Variants in GINM1 observed in about 807,000 individuals in gnomAD.
The protein encoded by GINM1 is glycoprotein integral membrane protein 1.
GINM1 carries 29 observed loss-of-function variants against 37.8 expected under a neutral mutation model. The ratio of observed to expected loss-of-function variants is 0.77; its 90% CI spans 0.57 to 1.05. The LOEUF is 1.05. Ranked by LOEUF, GINM1 falls within the 50% of genes least tolerant of loss-of-function variation. GINM1 has a pLI of 0.00. For synonymous variants in GINM1, 143 were observed against 146.2 expected (o/e 0.98, Z 0.16); for missense variants, 377 against 397.9 (o/e 0.95, Z 0.45).
In GINM1 at chr6:149,566,567, C is replaced by A. The variant is rs1279255585; in HGVS notation, c.120+33C>A. Reference sequence around the variant, plus strand: ...AGGGCGGGCCTGGCTGGCCGCTTTACGACTCCGACTCTCCGGGAGGCCCGG... The same window carrying A: ...AGGGCGGGCCTGGCTGGCCGCTTTAAGACTCCGACTCTCCGGGAGGCCCGG... On this transcript the variant is annotated intron_variant, in intron 1 of 7. Transcript: ENST00000367419. This position sits in a 1 kb window ranked among gnomAD's most constrained non-coding sequence, Gnocchi z 4.4. The A allele has an allele frequency of 2.1e-6, 3 of 1,459,756 alleles. No homozygotes were observed. Among genetic ancestry groups the A allele is most frequent in the East Asian group, 2.9e-5 (1 of 35,024 alleles). 90.4% of individuals were successfully genotyped at this position (1,459,756 alleles called of 1,614,324 possible). A position where few individuals can be genotyped will look rare whatever the true frequency, so the allele number is the denominator to read the frequency against.
intron 3 of GINM1, among the ~76,000 whole-genome samples, chr6:149,576,748 C>A (rs1283788054): frequency 6.6e-6 from 1 of 152,142 alleles, no homozygotes; most frequent in Non-Finnish European, 1.5e-5. Flanking sequence ...AGCCGCCTAC[C>A]ACAGTAAGGA....
rs534231539 is a variant in GINM1 at position 149,576,849 on chromosome 6, A to C, written c.278-1973A>C. Among the ~76,000 whole-genome samples the C allele has an allele frequency of 1.1e-4, 16 of 152,348 alleles. 1 individual carries two copies. In the South Asian group the frequency reaches 2.9e-3, roughly 28 times the overall value. On this transcript the variant is annotated intron_variant, in intron 3 of 7. Coordinates refer to ENST00000367419, the MANE Select transcript of GINM1 (RefSeq NM_138785.5). ...GCTCTTCTCACATTGCTATAAAGAA[A>C]TACCTGAGACTGGGTAATTTATAAA...
intron 4 of GINM1, 44 bp from the exon 5 acceptor site, chr6:149,579,790 G>A (rs766314935): frequency 3.9e-6 from 5 of 1,276,580 alleles, no homozygotes; most frequent in East Asian, 2.6e-5. Flanking sequence ...TTATGGGGCT[G>A]TGCTACTATT....
chr6:149,572,471 A>C, intron 2 of GINM1, 36 bp from the exon 3 acceptor site: 1 of 1,354,072 alleles, frequency 7.4e-7, no homozygotes, highest in Middle Eastern at 1.8e-4. Flanking sequence ...TTGTTTATAA[A>C]TATTGGAATT....
chr6:149,578,766 C>G (rs2115059486), intron 3 of GINM1, 56 bp from the exon 4 acceptor site: 12 of 1,212,644 alleles, frequency 9.9e-6, no homozygotes, highest in Admixed American at 2.2e-5. Context: ...ATCACACTCA[C>G]TCACAGATTT....
intron 6 of GINM1, 85 bp from the exon 7 acceptor site, chr6:149,582,355 T>C (rs1778014815): frequency 8.6e-7 from 1 of 1,164,064 alleles, no homozygotes; most frequent in East Asian, 2.4e-5. Flanking sequence ...ATTTTTATCA[T>C]CCCAAAGCTA....
At chr6:149,587,087 T>C (rs1778080193) in intron 7 of GINM1, among the ~76,000 whole-genome samples, 1 of 152,178 alleles carries the variant, frequency 6.6e-6, no homozygotes, top group African/African-American at 2.4e-5. Context: ...GCCCTTAATA[T>C]TATTTTTAAC....
At position 149,588,522 on chromosome 6, in the gene GINM1, G is replaced by A. The variant is rs141988640; in HGVS notation, c.882-2205G>A. On this transcript the variant is annotated intron_variant, in intron 7 of 7. Transcript: ENST00000367419. ...CATCATACAAAAGCTTTAAATTCAA[G>A]GCCTAAGTAATTCATGTTATTCCTT... 7.9e-3 allele frequency among the ~76,000 whole-genome samples: 1,195 copies of A among 152,176 alleles called. 10 individuals are homozygous for A. The highest frequency in any genetic ancestry group is 0.027 in the African/African-American group (1,119 of 41,502).
At chr6:149,568,509 C>T (rs1015202681) in intron 1 of GINM1, among the ~76,000 whole-genome samples, 3 of 152,216 alleles carry the variant, frequency 2.0e-5, no homozygotes, top group Admixed American at 1.3e-4. Flanking sequence ...CCACTGAGCA[C>T]TTGAAATGTG....
intron 1 of GINM1, among the ~76,000 whole-genome samples, chr6:149,568,521 C>T (rs1335269359): frequency 6.6e-6 from 1 of 152,216 alleles, no homozygotes; most frequent in East Asian, 1.9e-4. Flanking sequence ...TGAAATGTGG[C>T]CAGTGCCAGT....
At position 149,566,926 on chromosome 6, in the gene GINM1, G is replaced by A. The variant is rs918428032; in HGVS notation, c.120+392G>A. On this transcript the variant is annotated intron_variant, in intron 1 of 7. Transcript: ENST00000367419. This position sits in a 1 kb window ranked among gnomAD's most constrained non-coding sequence, Gnocchi z 4.4. Reference sequence around the variant, plus strand: ...TGTGTGCTCGGGAAGTGTGGAAGTTGCCCACTTCGCGCATTTCCAGGCCAC... The same window carrying A: ...TGTGTGCTCGGGAAGTGTGGAAGTTACCCACTTCGCGCATTTCCAGGCCAC... 3.9e-5 allele frequency among the ~76,000 whole-genome samples: 6 copies of A among 152,238 alleles called. No homozygotes were observed. The highest frequency in any genetic ancestry group is 7.3e-5 in the Non-Finnish European group (5 of 68,038).
chr6:149,575,651 GT>G (rs1309009798), intron 3 of GINM1, among the ~76,000 whole-genome samples: 1 of 152,206 alleles, frequency 6.6e-6, no homozygotes, highest in Non-Finnish European at 1.5e-5. Flanking sequence ...TAGGTTTTGT[GT>G]GTATGTGTGG....
At chr6:149,579,695 C>CAA (rs552907905) in intron 4 of GINM1, 139 bp from the exon 5 acceptor site, 1,254 of 388,718 alleles carry the variant, frequency 3.2e-3, no homozygotes, top group South Asian at 3.8e-3. Flanking sequence ...AACTCCATCT[C>CAA]AAAAAAAAAA....
intron 1 of GINM1, among the ~76,000 whole-genome samples, chr6:149,570,489 A>G (rs1777803100): frequency 6.6e-6 from 1 of 151,738 alleles, no homozygotes; most frequent in African/African-American, 2.4e-5. Context: ...GTTCTGAGGA[A>G]TTTCTAGTTA....
intron 3 of GINM1, among the ~76,000 whole-genome samples, chr6:149,575,401 A>G (rs1777898737): frequency 1.3e-5 from 2 of 152,324 alleles, no homozygotes. Context: ...TTGTTTTAAC[A>G]TTTAAACACT....
intron 6 of GINM1, among the ~76,000 whole-genome samples, chr6:149,581,556 G>T (rs1308621200): frequency 6.6e-6 from 1 of 152,138 alleles, no homozygotes; most frequent in Non-Finnish European, 1.5e-5. Context: ...CACTTAATCT[G>T]AATAGCAGTG....
Position 149,590,830 on chromosome 6 carries a change from T to C in GINM1, c.985T>C (p.Cys329Arg). 1 of 1,535,456 alleles carries C rather than the reference T, an allele frequency of 6.5e-7. No homozygotes were observed. The highest frequency in any genetic ancestry group is 9.0e-7 in the Non-Finnish European group (1 of 1,110,632). Residue 329 changes from cysteine (C) to arginine (R), a missense_variant, in exon 8 of 8, where the codon TGT (cysteine) becomes CGT (arginine). Cys to Arg is a radical substitution (Grantham distance 180, BLOSUM62 -3). Transcript: ENST00000367419. ...AGCTGAAAACCTTGAAGATAAAACA[T>C]GTATTTAAAACGCCATCTCATATCA... ...KRAENLEDKT[C>R]I
At chr6:149,583,494 T>TG (rs1034056780) in intron 7 of GINM1, among the ~76,000 whole-genome samples, 1 of 151,742 alleles carries the variant, frequency 6.6e-6, no homozygotes, top group African/African-American at 2.4e-5. Context: ...GCTGGGCGTG[T>TG]GGCACCCATC....
At chr6:149,573,161 GA>G (rs1777856803) in intron 3 of GINM1, among the ~76,000 whole-genome samples, 1 of 151,864 alleles carries the variant, frequency 6.6e-6, no homozygotes, top group Admixed American at 6.6e-5. Context: ...CATCTCTACT[GA>G]AAATGTGGTG....
Sources: gnomAD v4.1 joint callset for allele counts (sites outside exome capture counted in the v4.1 genomes callset) on GRCh38, gnomAD v4.1.1 for gene constraint, Gnocchi (gnomAD v3.1) non-coding constraint, MANE v1.5 for transcripts, NCBI Gene and HGNC (gene_info 2026-07-23, HGNC 2026-07-21) for gene names.